The following KLF8 variants were observed in gnomAD, a reference collection of about 807,000 sequenced individuals.
The protein encoded by KLF8 is Krueppel-like factor 8.
KLF8 carries 10 observed loss-of-function variants against 18.2 expected under a neutral mutation model. That is an observed-to-expected ratio of 0.55 (90% CI 0.34 to 0.93). KLF8 has a LOEUF of 0.93. KLF8 is among the 40% of genes least tolerant of loss of function. The pLI is 0.02. For missense variants in KLF8, 264 were observed against 277.9 expected, an observed-to-expected ratio of 0.95 and a Z score of 0.36; for synonymous variants, 109 against 97.3, an observed-to-expected ratio of 1.12 and a Z score of -0.71.
chrX:56,048,054 A>G, the KLF8 span, among the ~76,000 whole-genome samples: 1 of 112,191 alleles, frequency 8.9e-6, no homozygotes, highest in Non-Finnish European at 1.9e-5. Flanking sequence ...TTTTGGCTGC[A>G]TAAATGTCTT....
At chrX:56,048,014 C>A in the KLF8 span, among the ~76,000 whole-genome samples, 2 of 111,988 alleles carry the variant, frequency 1.8e-5, no homozygotes, top group Non-Finnish European at 3.8e-5. Flanking sequence ...TCTCTGATGG[C>A]CAGTCATGAT....
At chrX:56,105,431 G>C in the KLF8 span, among the ~76,000 whole-genome samples, 143 of 111,572 alleles carry the variant, frequency 1.3e-3, no homozygotes, top group African/African-American at 4.6e-3. Flanking sequence ...AGGATAGTTA[G>C]CTCTTCTTGT....
At chrX:56,217,085 T>C in the KLF8 span, among the ~76,000 whole-genome samples, 357 of 112,180 alleles carry the variant, frequency 3.2e-3, no homozygotes, top group Middle Eastern at 4.6e-3. Context: ...TCCTGGCCCA[T>C]GGTAGCCAGG....
the KLF8 span, among the ~76,000 whole-genome samples, chrX:55,960,951 A>G: frequency 8.9e-6 from 1 of 111,845 alleles, no homozygotes; most frequent in Non-Finnish European, 1.9e-5. Context: ...CCCATCTCAT[A>G]TGAAATGACA....
rs2067285308 is a variant in KLF8, at chrX:56,287,936, C to A, written c.*3442C>A. 1.0e-5 allele frequency: 1 copy of A among 97,829 alleles called. No individual in the cohort carries two copies. Among genetic ancestry groups the A allele is most frequent in the South Asian group, 3.8e-4 (1 of 2,602 alleles). The allele number at this position is 97,829 out of a possible 1,213,427, so 8.1% of individuals were successfully genotyped here. The stretch of plus-strand genomic sequence containing the variant: ...GGTTTCTTTAGTTTTTACCTAAGAT[C>A]CTTTTTAAAGAATTGTTTCGGCCAG... On this transcript the variant is annotated 3_prime_UTR_variant, in exon 6 of 6. Coordinates refer to ENST00000468660, the MANE Select transcript of KLF8 (RefSeq NM_007250.5).
the KLF8 span, among the ~76,000 whole-genome samples, chrX:55,912,626 A>G: frequency 9.0e-6 from 1 of 111,428 alleles, no homozygotes; most frequent in African/African-American, 3.3e-5. Context: ...ATCCAAGATC[A>G]TACAGCTAGT....
upstream of KLF8, among the ~76,000 whole-genome samples, chrX:56,228,324 G>A (rs1163363631): frequency 9.0e-6 from 1 of 111,303 alleles, no homozygotes; most frequent in Non-Finnish European, 1.9e-5. Context: ...TCTCATTGGC[G>A]GCCAATCTAG....
At chrX:56,243,045 C>T in intron 1 of KLF8, 1 of 513,194 alleles carries the variant, frequency 1.9e-6, no homozygotes, top group South Asian at 2.2e-5. Flanking sequence ...TGATTTGCCA[C>T]ATCAGTATCA....
the KLF8 span, among the ~76,000 whole-genome samples, chrX:56,179,398 CTA>C: frequency 8.9e-6 from 1 of 112,306 alleles, no homozygotes. Context: ...TAGGCTGAGA[CTA>C]TGGGTTTTTC....
At chrX:56,126,284 G>T in the KLF8 span, among the ~76,000 whole-genome samples, 3 of 111,521 alleles carry the variant, frequency 2.7e-5, no homozygotes, top group Non-Finnish European at 5.7e-5. Flanking sequence ...AAATGCTATT[G>T]GCTCTAACCT....
At chrX:55,966,776 C>G in the KLF8 span, among the ~76,000 whole-genome samples, 36 of 111,820 alleles carry the variant, frequency 3.2e-4, no homozygotes, top group African/African-American at 1.1e-3. Context: ...ACCAAACGTG[C>G]TAAAGAAGGC....
the KLF8 span, among the ~76,000 whole-genome samples, chrX:56,208,738 A>G: frequency 9.0e-6 from 1 of 111,588 alleles, no homozygotes; most frequent in Non-Finnish European, 1.9e-5. Context: ...TGAAGAGCAT[A>G]TTTTTTAATT....
chrX:56,251,582 C>G (rs1318756345), intron 2 of KLF8, among the ~76,000 whole-genome samples: 1 of 110,728 alleles, frequency 9.0e-6, no homozygotes, highest in Admixed American at 9.6e-5. Context: ...TCTGCCTCAG[C>G]CTCCTGAGTA....
chrX:56,130,203 G>T, the KLF8 span, among the ~76,000 whole-genome samples: 2 of 111,267 alleles, frequency 1.8e-5, no homozygotes, highest in Admixed American at 1.9e-4. Context: ...AGGCCAACCA[G>T]CACAAACCTT....
the KLF8 span, among the ~76,000 whole-genome samples, chrX:56,121,030 C>CA: frequency 9.1e-6 from 1 of 109,490 alleles, no homozygotes; most frequent in African/African-American, 3.3e-5. Context: ...ACTGAAAATA[C>CA]AAAAAATTAG....
the KLF8 span, among the ~76,000 whole-genome samples, chrX:56,218,893 C>T: frequency 8.9e-6 from 1 of 111,816 alleles, no homozygotes; most frequent in East Asian, 2.8e-4. Flanking sequence ...CAAGACCTCA[C>T]AGTGGTCAAA....
the KLF8 span, among the ~76,000 whole-genome samples, chrX:55,991,489 C>T: frequency 8.1e-5 from 9 of 111,661 alleles, no homozygotes; most frequent in East Asian, 1.1e-3. Context: ...GGCTCCCACT[C>T]GGTGCACTGC....
the KLF8 span, among the ~76,000 whole-genome samples, chrX:56,102,423 T>G: frequency 6.3e-5 from 7 of 111,975 alleles, no homozygotes; most frequent in Non-Finnish European, 1.1e-4. Flanking sequence ...AGGATTGCTT[T>G]GGCTATTGAG....
chrX:56,084,390 A>G, the KLF8 span, among the ~76,000 whole-genome samples: 1 of 111,010 alleles, frequency 9.0e-6, no homozygotes, highest in Non-Finnish European at 1.9e-5. Context: ...ACAAACAAAC[A>G]AACAAACAAA....
Sources: allele counts gnomAD v4.1 joint callset (sites outside exome capture counted in the v4.1 genomes callset), GRCh38; gene constraint gnomAD v4.1.1; transcripts MANE v1.5; gene names NCBI Gene and HGNC (gene_info 2026-07-23, HGNC 2026-07-21).